The following LAPTM4A variants were observed in gnomAD, a reference collection of about 807,000 sequenced individuals.
The protein encoded by LAPTM4A is lysosomal protein transmembrane 4 alpha, also known as lysosomal-associated transmembrane protein 4A.
In LAPTM4A, 19 loss-of-function variants were observed where a neutral mutation model predicts 29.9. The observed-to-expected ratio is 0.64, with a 90% CI of 0.44 to 0.93. The LOEUF (loss-of-function observed/expected upper bound fraction) is 0.93. Ranked by LOEUF, LAPTM4A falls within the 40% of genes least tolerant of loss-of-function variation. The pLI is 0.00. For missense variants in LAPTM4A, 293 were observed against 288.5 expected (o/e 1.02, Z -0.11); for synonymous variants, 105 against 102.1 (o/e 1.03, Z -0.17).
At chr2:20,037,484 T>C (rs1673703506) in intron 3 of LAPTM4A, 46 bp from the exon 4 acceptor site, 1 of 1,602,180 alleles carries the variant, frequency 6.2e-7, no homozygotes, top group East Asian at 2.2e-5. Flanking sequence ...ATATAGGAAA[T>C]TACTAAGCTC....
chr2:20,036,199 C>T (rs942019729), intron 4 of LAPTM4A, among the ~76,000 whole-genome samples: 9 of 151,248 alleles, frequency 6.0e-5, no homozygotes, highest in South Asian at 4.3e-4. Flanking sequence ...AACAGCCCTG[C>T]CCCTGGCCAC....
intron 1 of LAPTM4A, among the ~76,000 whole-genome samples, chr2:20,045,071 C>T (rs1231836289): frequency 6.6e-6 from 1 of 152,208 alleles, no homozygotes; most frequent in East Asian, 1.9e-4. Flanking sequence ...TATTCACCAA[C>T]GAACGCCTAC....
In LAPTM4A at chr2:20,051,552, C is replaced by T. The variant is rs369703153; in HGVS notation, c.-32G>A. 3,163 of 1,400,476 alleles carry T rather than the reference C, an allele frequency of 2.3e-3. 7 individuals carry two copies. Among genetic ancestry groups the T allele is most frequent in the Non-Finnish European group, 2.9e-3 (2,965 of 1,011,402 alleles). The allele number at this position is 1,400,476 out of a possible 1,614,324, so 86.8% of individuals were successfully genotyped here. On this transcript the variant is annotated 5_prime_UTR_variant, in exon 1 of 7. Transcript: ENST00000175091. Reference sequence around the variant, plus strand: ...AGGCGGGCCTCCTTCTTGGCCGGGCCCCTGACAAACGTTCTCCACCCGCAG... The same window carrying T: ...AGGCGGGCCTCCTTCTTGGCCGGGCTCCTGACAAACGTTCTCCACCCGCAG...
At chr2:20,033,921 A>T (rs1300222268) in intron 6 of LAPTM4A, among the ~76,000 whole-genome samples, 1 of 152,120 alleles carries the variant, frequency 6.6e-6, no homozygotes, top group Admixed American at 6.6e-5. Flanking sequence ...CACTGTATTC[A>T]TCTCCCCAGA....
In LAPTM4A at chr2:20,051,492, C is replaced by A. The variant is rs200238902; in HGVS notation, c.29G>T (p.Arg10Leu). Residue 10 changes from arginine (R) to leucine (L), a missense_variant, in exon 1 of 7, where the codon CGC becomes CTC. Physicochemically the swap from Arg to Leu is moderately radical, Grantham distance 102 (BLOSUM62 -2). Transcript: ENST00000175091. MVSMSFKRN[R>L]SDRFYSTRCC... Reference sequence around the variant, plus strand: ...CCGGGTGCTGTAGAACCGGTCACTGCGGTTCCGCTTGAAACTCATGGACAC... The same window carrying A: ...CCGGGTGCTGTAGAACCGGTCACTGAGGTTCCGCTTGAAACTCATGGACAC... 33 of 1,610,874 alleles carry A rather than the reference C, an allele frequency of 2.0e-5. No homozygotes were observed. The highest frequency in any genetic ancestry group is 3.3e-5 in the Admixed American group (2 of 59,756).
Position 20,033,256 on chromosome 2 carries a change from C to T in LAPTM4A, c.651G>A (p.Met217Ile), listed in dbSNP as rs770070392. The T allele has an allele frequency of 6.2e-7, 1 of 1,613,940 alleles. No homozygotes were observed. Among genetic ancestry groups the T allele is most frequent in the Non-Finnish European group, 8.5e-7 (1 of 1,179,916 alleles). The change falls in exon 7 of 7, where the codon ATG becomes ATA. Residue 217 changes from methionine to isoleucine, a missense_variant. Met to Ile is a conservative substitution (Grantham distance 10, BLOSUM62 1). Coordinates refer to ENST00000175091, the MANE Select transcript of LAPTM4A (RefSeq NM_014713.5). ...PPQYVLPTYE[M>I]AVKMPEKEPP... ...GTTCTTTTTCAGGCATTTTCACGGC[C>T]ATTTCATAGGTTGGCAAAACGTACT...
At chr2:20,039,731 A>C (rs1296205227) in intron 2 of LAPTM4A, among the ~76,000 whole-genome samples, 1 of 152,120 alleles carries the variant, frequency 6.6e-6, no homozygotes, top group Non-Finnish European at 1.5e-5. Context: ...CTTTTTTTAA[A>C]CAAATAAATA....
At chr2:20,049,640 C>T (rs1395852874) in intron 1 of LAPTM4A, among the ~76,000 whole-genome samples, 1 of 152,174 alleles carries the variant, frequency 6.6e-6, no homozygotes, top group African/African-American at 2.4e-5. Flanking sequence ...AGAAATACAG[C>T]CAATTACATT....
chr2:20,040,762 C>T (rs1426183243), intron 2 of LAPTM4A, 129 bp downstream of exon 2: 5 of 889,960 alleles, frequency 5.6e-6, no homozygotes, highest in Non-Finnish European at 8.8e-6. Flanking sequence ...TGTAAGTACA[C>T]CCTATGATGT....
chr2:20,038,471 G>A (rs549526302), intron 2 of LAPTM4A, among the ~76,000 whole-genome samples: 2 of 152,254 alleles, frequency 1.3e-5, no homozygotes, highest in African/African-American at 4.8e-5. Flanking sequence ...TGTCGCCCAG[G>A]CTAGAGTGCA....
chr2:20,050,699 C>G (rs1572402159), intron 1 of LAPTM4A, among the ~76,000 whole-genome samples: 1 of 152,150 alleles, frequency 6.6e-6, no homozygotes, highest in Non-Finnish European at 1.5e-5. Flanking sequence ...CAGGAGATAC[C>G]GGGGTAGGTG....
chr2:20,046,634 T>C (rs1373834323), intron 1 of LAPTM4A, among the ~76,000 whole-genome samples: 1 of 150,394 alleles, frequency 6.6e-6, no homozygotes, highest in African/African-American at 2.4e-5. Context: ...ACTACAGGCA[T>C]GCACCACCAC....
chr2:20,047,632 G>A (rs1572400930), intron 1 of LAPTM4A, among the ~76,000 whole-genome samples: 1 of 149,242 alleles, frequency 6.7e-6, no homozygotes, highest in East Asian at 2.0e-4. Flanking sequence ...GGAGCTTGCA[G>A]TGAGCCGAGA....
chr2:20,041,706 T>C (rs1673805401), intron 1 of LAPTM4A, among the ~76,000 whole-genome samples: 1 of 152,198 alleles, frequency 6.6e-6, no homozygotes, highest in Admixed American at 6.5e-5. Context: ...GGGTGATTTT[T>C]GTATTTTTAG....
At chr2:20,035,464 T>A (rs1332268753) in intron 4 of LAPTM4A, among the ~76,000 whole-genome samples, 1 of 152,224 alleles carries the variant, frequency 6.6e-6, no homozygotes, top group Admixed American at 6.5e-5. Flanking sequence ...GCCATTTTAA[T>A]GCTACAAGGG....
rs1558383360 is a variant in LAPTM4A, at chr2:20,034,399, CAGTT to C, written c.541_544del (p.Asn181ValfsTer38). 1.9e-6 allele frequency: 3 copies of C among 1,612,236 alleles called. No individual in the cohort carries two copies. The highest frequency in any genetic ancestry group is 1.7e-6 in the Non-Finnish European group (2 of 1,178,270). On this transcript the variant is annotated frameshift_variant, in exon 6 of 7. Coordinates refer to ENST00000175091, the MANE Select transcript of LAPTM4A (RefSeq NM_014713.5). LOFTEE classifies it high-confidence loss of function. ...GATGTATTTATAGCAGTTCCAAACA[CAGTT>C]AATTAGATAAGCCTGGAAGAATAAA...
At chr2:20,050,857 C>G (rs1674045199) in intron 1 of LAPTM4A, among the ~76,000 whole-genome samples, 1 of 152,230 alleles carries the variant, frequency 6.6e-6, no homozygotes, top group Non-Finnish European at 1.5e-5. Context: ...CCAAGCGATT[C>G]TGGAGATGCA....
chr2:20,034,910 G>A (rs1388191064), intron 5 of LAPTM4A, 57 bp downstream of exon 5: 1 of 1,269,726 alleles, frequency 7.9e-7, no homozygotes, highest in East Asian at 2.5e-5. Context: ...GCAGCAAAAA[G>A]GTTTAGATTC....
At chr2:20,044,283 T>C (rs555091664) in intron 1 of LAPTM4A, among the ~76,000 whole-genome samples, 2 of 152,332 alleles carry the variant, frequency 1.3e-5, no homozygotes, top group South Asian at 4.1e-4. Context: ...ATATGTTCTG[T>C]GTATGGAAAT....
Sources: allele counts gnomAD v4.1 joint callset (sites outside exome capture counted in the v4.1 genomes callset), GRCh38; gene constraint gnomAD v4.1.1; transcripts MANE v1.5; gene names NCBI Gene and HGNC (gene_info 2026-07-23, HGNC 2026-07-21).